FTO: variants seen among roughly 807,000 people sequenced by gnomAD.
FTO encodes alpha-ketoglutarate-dependent dioxygenase FTO.
FTO carries 47 observed loss-of-function variants against 63.9 expected under a neutral mutation model. The ratio of observed to expected loss-of-function variants is 0.74; its 90% confidence interval spans 0.58 to 0.94. The LOEUF (loss-of-function observed/expected upper bound fraction) is 0.94, where lower values mean the gene tolerates loss of function less well. FTO is among the 40% of genes least tolerant of loss of function. FTO has a pLI of 0.00. For missense variants in FTO, 562 were observed against 618.1 expected, an observed-to-expected ratio of 0.91 and a Z score of 0.96; for synonymous variants, 207 against 224.4, an observed-to-expected ratio of 0.92 and a Z score of 0.69.
intron 8 of FTO, among the ~76,000 whole-genome samples, chr16:54,083,291 A>G (rs1439623713): frequency 2.6e-5 from 4 of 152,142 alleles, no homozygotes; most frequent in African/African-American, 9.7e-5. Context: ...CCATTTTATT[A>G]TAGTGTCCTG....
chr16:53,860,746 A>G (rs539992734), intron 4 of FTO, among the ~76,000 whole-genome samples: 15 of 152,202 alleles, frequency 9.9e-5, no homozygotes, highest in Non-Finnish European at 1.8e-4. Context: ...ACCAGAACTC[A>G]TCTCCAACAC....
At chr16:53,844,069 A>G (rs2079549883) in intron 3 of FTO, 86 bp from the exon 4 acceptor site, 2 of 1,020,612 alleles carry the variant, frequency 2.0e-6, no homozygotes, top group Non-Finnish European at 1.5e-6. Flanking sequence ...TTATTAAAAT[A>G]TCAATTCTTT....
intron 7 of FTO, among the ~76,000 whole-genome samples, chr16:53,915,648 G>A (rs114019148): frequency 0.016 from 2,429 of 152,222 alleles, 53 homozygotes; most frequent in African/African-American, 0.054. Flanking sequence ...TGGTAGACTC[G>A]AACACAGGAG....
intron 8 of FTO, among the ~76,000 whole-genome samples, chr16:54,034,375 A>G (rs1338391862): frequency 2.0e-5 from 3 of 152,186 alleles, no homozygotes; most frequent in African/African-American, 7.2e-5. Flanking sequence ...AAGGAAAAGG[A>G]AGAGTGATGG....
At chr16:53,915,294 G>T (rs1053319362) in intron 7 of FTO, among the ~76,000 whole-genome samples, 4 of 152,086 alleles carry the variant, frequency 2.6e-5, no homozygotes, top group Admixed American at 2.6e-4. Context: ...GTTTATCACA[G>T]CACCTGTTAC....
chr16:53,730,786 C>T (rs758765079), intron 1 of FTO, among the ~76,000 whole-genome samples: 53 of 152,196 alleles, frequency 3.5e-4, no homozygotes, highest in Non-Finnish European at 6.9e-4. Flanking sequence ...CATGAGCCAC[C>T]GAGCCCAGCC....
intron 8 of FTO, among the ~76,000 whole-genome samples, chr16:53,972,365 C>T (rs1207228517): frequency 6.6e-6 from 1 of 152,128 alleles, no homozygotes; most frequent in Non-Finnish European, 1.5e-5. Context: ...TCCTTCATCT[C>T]TCTGAACTAA....
At chr16:54,016,541 TTA>T (rs1365372349) in intron 8 of FTO, among the ~76,000 whole-genome samples, 1 of 152,226 alleles carries the variant, frequency 6.6e-6, no homozygotes, top group African/African-American at 2.4e-5. Context: ...TCTGTGTGTT[TTA>T]TGTTTTTTAT....
chr16:53,888,433 T>TTTTAA (rs1283533485), intron 6 of FTO, among the ~76,000 whole-genome samples: 5 of 151,382 alleles, frequency 3.3e-5, no homozygotes, highest in Admixed American at 1.3e-4. Context: ...GCCAATTTAT[T>TTTTAA]AGTAGCTTGG....
At chr16:53,836,223 A>G (rs1318514453) in intron 3 of FTO, among the ~76,000 whole-genome samples, 2 of 152,196 alleles carry the variant, frequency 1.3e-5, no homozygotes, top group East Asian at 1.9e-4. Context: ...GAAATATGAC[A>G]TATATCATAA....
chr16:53,877,527 G>T (rs183465383), intron 5 of FTO, among the ~76,000 whole-genome samples: 1 of 152,248 alleles, frequency 6.6e-6, no homozygotes, highest in African/African-American at 2.4e-5. Context: ...TGGTTGCCTA[G>T]GGTTGGAAAT....
chr16:54,012,454 T>A (rs1352781424), intron 8 of FTO, among the ~76,000 whole-genome samples: 1 of 152,222 alleles, frequency 6.6e-6, no homozygotes, highest in Non-Finnish European at 1.5e-5. Context: ...ATACAGAGGC[T>A]GCAGCAAGCT....
At chr16:54,040,075 A>C (rs1253432735) in intron 8 of FTO, 1 of 152,228 alleles carries the variant, frequency 6.6e-6, no homozygotes, top group African/African-American at 2.4e-5. Flanking sequence ...GATTCAAATC[A>C]AAGTTCAAAC....
chr16:53,989,947 C>T (rs957122909), intron 8 of FTO, among the ~76,000 whole-genome samples: 4 of 151,942 alleles, frequency 2.6e-5, no homozygotes, highest in East Asian at 1.9e-4. Flanking sequence ...TTCTCTTCTT[C>T]GTGATTTTCT....
intron 8 of FTO, among the ~76,000 whole-genome samples, chr16:54,058,124 G>C (rs1218040086): frequency 6.6e-6 from 1 of 151,908 alleles, no homozygotes; most frequent in Non-Finnish European, 1.5e-5. Flanking sequence ...TTTTTTGAGG[G>C]GGGAGACAGA....
intron 2 of FTO, among the ~76,000 whole-genome samples, chr16:53,815,636 GTTTTTT>G (rs556357629): frequency 0.01 from 979 of 97,820 alleles, 2 homozygotes; most frequent in African/African-American, 0.048. Flanking sequence ...TGACTTTCTT[GTTTTTT>G]TTTTTTTTTT....
intron 8 of FTO, among the ~76,000 whole-genome samples, chr16:53,961,577 G>A (rs866777148): frequency 6.6e-5 from 10 of 152,318 alleles, no homozygotes; most frequent in African/African-American, 2.2e-4. Flanking sequence ...CCCAACTTCT[G>A]TTGAAGCCTG....
At chr16:53,924,118 A>G (rs536183528) in intron 7 of FTO, among the ~76,000 whole-genome samples, 1 of 152,210 alleles carries the variant, frequency 6.6e-6, no homozygotes, top group East Asian at 1.9e-4. Context: ...CTTCATACAC[A>G]TAATGCTGCT....
At chr16:53,738,867 G>T (rs1192788372) in intron 1 of FTO, among the ~76,000 whole-genome samples, 3 of 151,952 alleles carry the variant, frequency 2.0e-5, no homozygotes, top group East Asian at 1.9e-4. Flanking sequence ...TTGAGATAGG[G>T]TCTCACTCTG....
Sources: allele counts gnomAD v4.1 joint callset (sites outside exome capture counted in the v4.1 genomes callset), GRCh38; gene constraint gnomAD v4.1.1; transcripts MANE v1.5; gene names NCBI Gene and HGNC (gene_info 2026-07-23, HGNC 2026-07-21).